Variants in ARHGEF38 observed in about 807,000 individuals in gnomAD.
ARHGEF38 encodes Rho guanine nucleotide exchange factor 38.
A neutral mutation model predicts 79.9 loss-of-function variants in ARHGEF38; 79 were observed. That is an observed-to-expected ratio of 0.99 (90% CI 0.82 to 1.19). ARHGEF38 has a LOEUF of 1.19. Ranked by LOEUF, ARHGEF38 falls within the 50% of genes most tolerant of loss-of-function variation. The pLI is 0.00. For missense variants in ARHGEF38, 962 were observed against 907.2 expected (o/e 1.06, Z -0.78); for synonymous variants, 366 against 328.3 (o/e 1.11, Z -1.24).
rs1731258474 is a variant in ARHGEF38, at chr4:105,680,105, CTG to C, written c.*2172_*2173del. The C allele has an allele frequency of 2.7e-6, 2 of 743,310 alleles. No individual in the cohort carries two copies. Among genetic ancestry groups the C allele is most frequent in the African/African-American group, 3.4e-5 (2 of 58,082 alleles). The allele number at this position is 743,310 out of a possible 1,614,324, so 46.0% of individuals were successfully genotyped here. A position where few individuals can be genotyped will look rare whatever the true frequency, so the allele number is the denominator to read the frequency against. On this transcript the variant is annotated 3_prime_UTR_variant, in exon 14 of 14. Coordinates refer to ENST00000420470, the MANE Select transcript of ARHGEF38 (RefSeq NM_001242729.2). ...GACTTGAAGGACATCTCATTTTCAT[CTG>C]TGTTTTATAAAGGAGGAAATTGAGG...
In ARHGEF38 at chr4:105,636,440, A is replaced by G. The variant is rs1458914352; in HGVS notation, c.674+20A>G. 2.5e-6 allele frequency: 1 copy of G among 402,320 alleles called. No homozygotes were observed. The highest frequency in any genetic ancestry group is 3.8e-6 in the Non-Finnish European group (1 of 261,366). The allele number at this position is 402,320 out of a possible 1,614,324, so 24.9% of individuals were successfully genotyped here. Reference sequence around the variant, plus strand: ...GCAAGAGTAAGTACTTTTTAAAATAATATAAATCAAATATAAAAATCACGA... The same window carrying G: ...GCAAGAGTAAGTACTTTTTAAAATAGTATAAATCAAATATAAAAATCACGA... On this transcript the variant is annotated intron_variant, in intron 5 of 13. Transcript: ENST00000420470.
At chr4:105,559,224 T>C (rs1390350849) in intron 1 of ARHGEF38, among the ~76,000 whole-genome samples, 3 of 152,140 alleles carry the variant, frequency 2.0e-5, no homozygotes, top group Non-Finnish European at 2.9e-5. Context: ...TATGGCTTAT[T>C]TGGGAGTCCT....
chr4:105,638,786 C>G (rs1729503103), intron 5 of ARHGEF38, among the ~76,000 whole-genome samples: 1 of 151,964 alleles, frequency 6.6e-6, no homozygotes, highest in Non-Finnish European at 1.5e-5. Context: ...AATATAAATC[C>G]ACATTGTTTT....
intron 2 of ARHGEF38, among the ~76,000 whole-genome samples, chr4:105,595,591 A>G (rs1727543690): frequency 6.6e-6 from 1 of 152,200 alleles, no homozygotes; most frequent in Non-Finnish European, 1.5e-5. Flanking sequence ...GAATTATACC[A>G]TACACAGTTG....
chr4:105,669,066 A>G (rs1462735807), intron 13 of ARHGEF38, among the ~76,000 whole-genome samples: 1 of 152,062 alleles, frequency 6.6e-6, no homozygotes, highest in Non-Finnish European at 1.5e-5. Flanking sequence ...AATAATAATA[A>G]TAAAAGTAAT....
At chr4:105,576,865 GAGA>G (rs1726527982) in intron 1 of ARHGEF38, among the ~76,000 whole-genome samples, 1 of 152,076 alleles carries the variant, frequency 6.6e-6, no homozygotes, top group South Asian at 2.1e-4. Context: ...TGCATCTATT[GAGA>G]AGATCCTATG....
At chr4:105,672,098 A>G (rs1730975897) in intron 13 of ARHGEF38, among the ~76,000 whole-genome samples, 1 of 152,088 alleles carries the variant, frequency 6.6e-6, no homozygotes, top group South Asian at 2.1e-4. Flanking sequence ...TGATTTTTAT[A>G]CTAGAGCTGA....
intron 2 of ARHGEF38, among the ~76,000 whole-genome samples, chr4:105,609,128 T>C (rs1728179612): frequency 6.6e-6 from 1 of 152,100 alleles, no homozygotes; most frequent in Non-Finnish European, 1.5e-5. Flanking sequence ...TTCTGGTAAC[T>C]TTACAATTTC....
chr4:105,587,617 C>T lies in ARHGEF38; in HGVS notation c.197-1631C>T, dbSNP rs28517731. Among the ~76,000 whole-genome samples, 911 of 152,238 alleles carry T rather than the reference C, an allele frequency of 6.0e-3. 5 individuals carry two copies. Among genetic ancestry groups the T allele is most frequent in the African/African-American group, 0.021 (868 of 41,536 alleles). On this transcript the variant is annotated intron_variant, in intron 1 of 13. Coordinates refer to ENST00000420470, the MANE Select transcript of ARHGEF38 (RefSeq NM_001242729.2). The stretch of plus-strand genomic sequence containing the variant: ...CTGGGACTACAGGAGTCCGCCACCA[C>T]GCCCGGCTCTTTTGTTGTATTTTTA...
At chr4:105,593,114 G>A (rs967752790) in intron 2 of ARHGEF38, among the ~76,000 whole-genome samples, 2 of 152,080 alleles carry the variant, frequency 1.3e-5, no homozygotes, top group African/African-American at 4.8e-5. Flanking sequence ...TATATTCATT[G>A]TCTATTTTAA....
At chr4:105,591,697 C>A (rs1249604196) in intron 2 of ARHGEF38, among the ~76,000 whole-genome samples, 3 of 152,140 alleles carry the variant, frequency 2.0e-5, no homozygotes, top group Non-Finnish European at 4.4e-5. Flanking sequence ...CTTCAGTTTG[C>A]CTCATGACTT....
chr4:105,605,272 G>C (rs1371751840), intron 2 of ARHGEF38, among the ~76,000 whole-genome samples: 1 of 152,008 alleles, frequency 6.6e-6, no homozygotes, highest in East Asian at 1.9e-4. Context: ...TTTTCTGTTG[G>C]ACTTTTTTTT....
chr4:105,609,598 A>C (rs1181334086), intron 2 of ARHGEF38, among the ~76,000 whole-genome samples: 5 of 152,122 alleles, frequency 3.3e-5, no homozygotes, highest in African/African-American at 1.2e-4. Context: ...TAGAAATAGA[A>C]AGACAACCTT....
chr4:105,616,995 T>C (rs951382000), intron 3 of ARHGEF38, among the ~76,000 whole-genome samples: 4 of 152,202 alleles, frequency 2.6e-5, no homozygotes, highest in Admixed American at 2.6e-4. Flanking sequence ...ATGAGAAATA[T>C]AAAACAATGG....
At chr4:105,646,191 A>C (rs1456168709) in intron 6 of ARHGEF38, among the ~76,000 whole-genome samples, 2 of 152,170 alleles carry the variant, frequency 1.3e-5, no homozygotes, top group African/African-American at 2.4e-5. Flanking sequence ...TTTATTTCAA[A>C]AGTCATATAT....
chr4:105,591,761 C>T (rs1727350711), intron 2 of ARHGEF38, among the ~76,000 whole-genome samples: 1 of 152,138 alleles, frequency 6.6e-6, no homozygotes, highest in Admixed American at 6.5e-5. Context: ...CATTAGCATT[C>T]TCATTTAATC....
At chr4:105,652,872 G>T (rs1397085071) in intron 7 of ARHGEF38, among the ~76,000 whole-genome samples, 1 of 152,100 alleles carries the variant, frequency 6.6e-6, no homozygotes, top group African/African-American at 2.4e-5. Flanking sequence ...ACAATATTAA[G>T]AAGTTTAAAA....
intron 2 of ARHGEF38, among the ~76,000 whole-genome samples, chr4:105,602,715 G>A (rs1479708963): frequency 6.6e-6 from 1 of 152,020 alleles, no homozygotes; most frequent in Non-Finnish European, 1.5e-5. Context: ...CATCATCCTG[G>A]GCATACCCAG....
At chr4:105,658,894 C>G (rs1445723008) in intron 9 of ARHGEF38, among the ~76,000 whole-genome samples, 160 bp from the exon 10 acceptor site, 1 of 152,100 alleles carries the variant, frequency 6.6e-6, no homozygotes, top group Non-Finnish European at 1.5e-5. Context: ...ATAGGTTTAG[C>G]CAGACACAAA....
Sources: allele counts gnomAD v4.1 joint callset (sites outside exome capture counted in the v4.1 genomes callset), GRCh38; gene constraint gnomAD v4.1.1; transcripts MANE v1.5; gene names NCBI Gene and HGNC (gene_info 2026-07-23, HGNC 2026-07-21).